The following TBC1D13 variants were observed in gnomAD, a reference collection of about 807,000 sequenced individuals.
The protein encoded by TBC1D13 is epididymis secretory sperm binding protein.
TBC1D13 carries 40 observed loss-of-function variants against 53.6 expected under a neutral mutation model. The observed-to-expected ratio is 0.75, with a 90% CI of 0.58 to 0.97. TBC1D13 has a LOEUF of 0.97. TBC1D13 is among the 50% of genes least tolerant of loss of function. TBC1D13 has a pLI of 0.00. For synonymous variants in TBC1D13, 182 were observed against 197.7 expected, an observed-to-expected ratio of 0.92 and a Z score of 0.67; for missense variants, 377 against 499.4, an observed-to-expected ratio of 0.75 and a Z score of 2.34.
chr9:128,792,514 G>A lies in TBC1D13; in HGVS notation c.323G>A (p.Ser108Asn). ...CAGCCACTCAACCCCAACCCTGACA[G>A]CCGGTGGAACACGTACTTCAAGGAC... ...EDHPLNPNPD[S>N]RWNTYFKDNE... Residue 108 changes from serine (S) to asparagine (N), a missense_variant, in exon 6 of 12, where the codon AGC becomes AAC. Coordinates refer to ENST00000372648, the MANE Select transcript of TBC1D13 (RefSeq NM_018201.5). 6.2e-7 allele frequency: 1 copy of A among 1,614,132 alleles called. No individual in the cohort carries two copies. Among genetic ancestry groups the A allele is most frequent in the Non-Finnish European group, 8.5e-7 (1 of 1,179,986 alleles).
Position 128,807,917 on chromosome 9 carries a change from C to T in TBC1D13, c.*38C>T, listed in dbSNP as rs912815369. 2.5e-6 allele frequency: 4 copies of T among 1,600,210 alleles called. No homozygotes were observed. In the African/African-American group the frequency reaches 5.4e-5, roughly 21 times the overall value. ...AGGCCCATGTTCCGGAGAGAAGCCT[C>T]CCGACCCTGTGCCCTGGCTCCCGGG... On this transcript the variant is annotated 3_prime_UTR_variant, in exon 12 of 12. Transcript: ENST00000372648.
intron 6 of TBC1D13, among the ~76,000 whole-genome samples, chr9:128,795,956 C>T (rs1228801165): frequency 6.6e-6 from 1 of 151,742 alleles, no homozygotes; most frequent in Non-Finnish European, 1.5e-5. Context: ...GTTGTATGAC[C>T]ATAATGACAC....
chr9:128,788,240 G>C (rs1829464367), intron 1 of TBC1D13, 94 bp from the exon 2 acceptor site: 3 of 1,082,674 alleles, frequency 2.8e-6, no homozygotes, highest in Admixed American at 1.7e-5. Context: ...GAGAGGCACA[G>C]GTTGGAAACT....
chr9:128,792,630 C>A, intron 6 of TBC1D13, 56 bp downstream of exon 6: 1 of 1,506,870 alleles, frequency 6.6e-7, no homozygotes, highest in Non-Finnish European at 9.2e-7. Flanking sequence ...GGGCTCTCTG[C>A]AGCTCTGTCT....
intron 2 of TBC1D13, chr9:128,790,069 C>A: frequency 6.6e-6 from 1 of 151,460 alleles, no homozygotes; most frequent in Non-Finnish European, 1.5e-5. Context: ...CCAGCCTGGC[C>A]AATATGGTGA....
Position 128,797,221 on chromosome 9 carries a change from G to C in TBC1D13, c.543+7G>C. On this transcript the variant is annotated splice_region_variant and intron_variant, in intron 7 of 11. Transcript: ENST00000372648. ...CCGGAGTGGGGTCACAAATGTGAGT[G>C]CCAACCTGGGGTCCCCAGGGACTCC... The C allele has an allele frequency of 6.2e-7, 1 of 1,613,744 alleles. No homozygotes were observed. The highest frequency in any genetic ancestry group is 8.5e-7 in the Non-Finnish European group (1 of 1,179,786).
Position 128,794,484 on chromosome 9 carries a change from G to GT in TBC1D13, c.383+1919dup, listed in dbSNP as rs1011637626. On this transcript the variant is annotated intron_variant, in intron 6 of 11. Coordinates refer to ENST00000372648, the MANE Select transcript of TBC1D13 (RefSeq NM_018201.5). ...CTGTTTTTTTTTTGTTTTTGTTTTT[G>GT]TTTTTTTTTGAGACAGAGGCTCCCT... Among the ~76,000 whole-genome samples, 447 of 150,828 alleles carry GT rather than the reference G, an allele frequency of 3.0e-3. 2 individuals carry two copies. Among genetic ancestry groups the GT allele is most frequent in the African/African-American group, 9.4e-3 (388 of 41,132 alleles).
chr9:128,803,577 A>T, intron 8 of TBC1D13, 117 bp downstream of exon 8: 1 of 902,204 alleles, frequency 1.1e-6, no homozygotes, highest in East Asian at 2.6e-5. Flanking sequence ...GGCCTGGATC[A>T]TCTCTGAGAT....
At position 128,808,026 on chromosome 9, in the gene TBC1D13, C is replaced by T. The variant is rs1483083994; in HGVS notation, c.*147C>T. The T allele has an allele frequency of 4.2e-5, 30 of 714,672 alleles. No homozygotes were observed. The highest frequency in any genetic ancestry group is 7.4e-4 in the Middle Eastern group (2 of 2,718). The allele number at this position is 714,672 out of a possible 1,614,324, so 44.3% of individuals were successfully genotyped here. Reference sequence around the variant, plus strand: ...CCAGGCCATGCCCACTGGGGACACACTGTGCCGTGCTCCTTCTGCCGCCAC... The same window carrying T: ...CCAGGCCATGCCCACTGGGGACACATTGTGCCGTGCTCCTTCTGCCGCCAC... On this transcript the variant is annotated 3_prime_UTR_variant, in exon 12 of 12. Transcript: ENST00000372648.
chr9:128,803,038 G>A (rs1829764604), intron 7 of TBC1D13, among the ~76,000 whole-genome samples: 1 of 152,044 alleles, frequency 6.6e-6, no homozygotes. Context: ...GCCCGCCCAT[G>A]TTGTCTCTTT....
Position 128,800,564 on chromosome 9 carries a change from G to C in TBC1D13, c.544-2686G>C, listed in dbSNP as rs1402487027. On this transcript the variant is annotated intron_variant, in intron 7 of 11. Transcript: ENST00000372648. ...TTTTGTATTTTTAGTAGAGATTTTT[G>C]GCCAGGGTGGTCTCGAACTCCTGAC... Among the ~76,000 whole-genome samples the C allele has an allele frequency of 2.0e-5, 3 of 151,224 alleles. No individual in the cohort carries two copies. The East Asian group carries it at 5.9e-4, about 30-fold the overall frequency.
chr9:128,803,674 G>T (rs1318723455), intron 8 of TBC1D13, among the ~76,000 whole-genome samples: 3 of 152,210 alleles, frequency 2.0e-5, no homozygotes, highest in Non-Finnish European at 2.9e-5. Flanking sequence ...AGGTGGATAT[G>T]TAGGAAGCCG....
In TBC1D13 at chr9:128,788,368, T is replaced by A; in HGVS notation, c.58T>A (p.Ser20Thr). Residue 20 changes from serine (S) to threonine (T), a missense_variant, in exon 2 of 12, where the codon TCA (serine) becomes ACA (threonine). Coordinates refer to ENST00000372648, the MANE Select transcript of TBC1D13 (RefSeq NM_018201.5). ...TTTCCAGGATGTCCTGAAGGAGCCCTCAATTGCATTGGAAAAGCTGCGGGA... is the reference window on the plus strand; with the variant it reads ...TTTCCAGGATGTCCTGAAGGAGCCCACAATTGCATTGGAAAAGCTGCGGGA... ...ADFQDVLKEP[S>T]IALEKLRELS... 1.2e-6 allele frequency: 2 copies of A among 1,614,136 alleles called. No homozygotes were observed. The highest frequency in any genetic ancestry group is 1.7e-6 in the Non-Finnish European group (2 of 1,180,002).
At chr9:128,798,310 C>G (rs571582035) in intron 7 of TBC1D13, among the ~76,000 whole-genome samples, 5 of 151,912 alleles carry the variant, frequency 3.3e-5, no homozygotes, top group Non-Finnish European at 5.9e-5. Flanking sequence ...TGCCGAAGTC[C>G]TCAGCGGGAG....
At chr9:128,803,222 T>A (rs761579039) in intron 7 of TBC1D13, 28 bp from the exon 8 acceptor site, 1 of 1,604,896 alleles carries the variant, frequency 6.2e-7, no homozygotes, top group Non-Finnish European at 8.5e-7. Flanking sequence ...ATTGTCTTTC[T>A]TGATGGGCTC....
At chr9:128,806,061 C>T in intron 10 of TBC1D13, 42 bp downstream of exon 10, 2 of 1,602,246 alleles carry the variant, frequency 1.2e-6, no homozygotes, top group Non-Finnish European at 1.7e-6. Flanking sequence ...CCTGGGCAGT[C>T]CTTGGAGAAG....
chr9:128,800,616 C>T (rs969006847), intron 7 of TBC1D13, among the ~76,000 whole-genome samples: 1 of 152,032 alleles, frequency 6.6e-6, no homozygotes, highest in South Asian at 2.1e-4. Flanking sequence ...ACCTCAGTTT[C>T]CCAAAGTGCT....
Position 128,803,465 on chromosome 9 carries a change from G to A in TBC1D13, c.754+5G>A, listed in dbSNP as rs138304668. The A allele has an allele frequency of 8.2e-5, 133 of 1,613,842 alleles. No homozygotes were observed. Among genetic ancestry groups the A allele is most frequent in the Admixed American group, 2.7e-4 (16 of 59,998 alleles). Reference sequence around the variant, plus strand: ...ACCCCAATAGTGAGTGGAAAGGTAAGAAGGCTCTTGGTGCCCACATCCCTC... The same window carrying A: ...ACCCCAATAGTGAGTGGAAAGGTAAAAAGGCTCTTGGTGCCCACATCCCTC... On this transcript the variant is annotated splice_donor_5th_base_variant and intron_variant, in intron 8 of 11. Coordinates refer to ENST00000372648, the MANE Select transcript of TBC1D13 (RefSeq NM_018201.5).
At chr9:128,798,494 A>G (rs1213465488) in intron 7 of TBC1D13, among the ~76,000 whole-genome samples, 3 of 152,150 alleles carry the variant, frequency 2.0e-5, no homozygotes, top group African/African-American at 7.2e-5. Flanking sequence ...TGTGTCGGAA[A>G]TGCTTTAGGC....
Sources: gnomAD v4.1 joint callset for allele counts (sites outside exome capture counted in the v4.1 genomes callset) on GRCh38, gnomAD v4.1.1 for gene constraint, MANE v1.5 for transcripts, NCBI Gene and HGNC (gene_info 2026-07-23, HGNC 2026-07-21) for gene names.